Variants in CELF2 observed in about 807,000 individuals in gnomAD.
The protein encoded by CELF2 is CUG triplet repeat RNA-binding protein 2.
A neutral mutation model predicts 62.6 loss-of-function variants in CELF2; 8 were observed. The ratio of observed to expected loss-of-function variants is 0.13; its 90% CI spans 0.07 to 0.23. The LOEUF is 0.23. Among genes scored for constraint, CELF2 ranks in the 10% least tolerant of loss-of-function variants. The probability of loss-of-function intolerance (pLI) is 1.00; values close to 1 mark genes in which losing one functional copy is unlikely to be tolerated. For missense variants in CELF2, 333 were observed against 671.0 expected, an observed-to-expected ratio of 0.50 and a Z score of 5.56; for synonymous variants, 258 against 250.0, an observed-to-expected ratio of 1.03 and a Z score of -0.30.
chr10:10,707,814 T>G, the CELF2 span, among the ~76,000 whole-genome samples: 1 of 152,188 alleles, frequency 6.6e-6, no homozygotes, highest in Admixed American at 6.5e-5. Context: ...GTTTGGATTA[T>G]TCGTTTAAAT....
chr10:10,699,901 G>GA, the CELF2 span, among the ~76,000 whole-genome samples: 2 of 152,164 alleles, frequency 1.3e-5, no homozygotes, highest in Non-Finnish European at 1.5e-5. Flanking sequence ...AGTTCTCACA[G>GA]CCTTTTCCTT....
intron 1 of CELF2, among the ~76,000 whole-genome samples, chr10:10,859,756 C>G (rs2059949586): frequency 6.6e-6 from 1 of 152,000 alleles, no homozygotes; most frequent in African/African-American, 2.4e-5. Flanking sequence ...AGATTTGAAG[C>G]AAAATATAGA....
chr10:10,487,765 G>C, the CELF2 span, among the ~76,000 whole-genome samples: 1 of 152,054 alleles, frequency 6.6e-6, no homozygotes, highest in African/African-American at 2.4e-5. Flanking sequence ...CACGATTAAA[G>C]GTCTTAAAAT....
At chr10:10,556,048 A>G in the CELF2 span, among the ~76,000 whole-genome samples, 1 of 152,008 alleles carries the variant, frequency 6.6e-6, no homozygotes, top group Admixed American at 6.6e-5. Context: ...TTTTTTTATT[A>G]TACTTTAAGT....
At chr10:10,663,165 G>C in the CELF2 span, among the ~76,000 whole-genome samples, 1 of 152,178 alleles carries the variant, frequency 6.6e-6, no homozygotes, top group Non-Finnish European at 1.5e-5. Context: ...CATTTTAAGC[G>C]TGCAGCAGCT....
Position 11,118,398 on chromosome 10 carries a change from C to T in CELF2, c.75-47088C>T, listed in dbSNP as rs2057027841. 2.0e-5 allele frequency among the ~76,000 whole-genome samples: 3 copies of T among 152,132 alleles called. No individual in the cohort carries two copies. The South Asian group carries it at 6.2e-4, about 32-fold the overall frequency. On this transcript the variant is annotated intron_variant, in intron 1 of 12. Coordinates refer to ENST00000633077, the MANE Select transcript of CELF2 (RefSeq NM_001326342.2). ...CCCAGGCTGGTCTTGAACTCCTGGC[C>T]TCAAGTGATCCTCAGGCCTCAGCCT...
the CELF2 span, among the ~76,000 whole-genome samples, chr10:10,755,204 T>C: frequency 3.9e-5 from 6 of 152,342 alleles, no homozygotes; most frequent in East Asian, 1.2e-3. Flanking sequence ...AATTAACAGA[T>C]AATTGACATA....
At chr10:11,064,986 A>G (rs1431238194) in intron 1 of CELF2, among the ~76,000 whole-genome samples, 1 of 152,232 alleles carries the variant, frequency 6.6e-6, no homozygotes, top group Non-Finnish European at 1.5e-5. Context: ...CACCTAGACT[A>G]TCCCTGGTAA....
intron 9 of CELF2, among the ~76,000 whole-genome samples, chr10:11,299,759 C>T (rs113124263): frequency 0.031 from 4,210 of 137,410 alleles, 65 homozygotes; most frequent in Non-Finnish European, 0.039. Flanking sequence ...ATCCCAGAAC[C>T]GTATTTCTGG....
At chr10:11,028,468 G>T (rs1470947456) in intron 1 of CELF2, among the ~76,000 whole-genome samples, 1 of 146,384 alleles carries the variant, frequency 6.8e-6, no homozygotes, top group East Asian at 2.0e-4. Context: ...CACCCAGGCT[G>T]AAGTGCAGTG....
At chr10:10,686,310 T>TTGGGGGGGGGGGG in the CELF2 span, among the ~76,000 whole-genome samples, 3 of 69,756 alleles carry the variant, frequency 4.3e-5, no homozygotes, top group Non-Finnish European at 8.7e-5. Context: ...TTGGATTTTT[T>TTGGGGGGGGGGGG]GGGGGGGGGG....
chr10:10,851,839 C>A (rs557030777), intron 1 of CELF2, among the ~76,000 whole-genome samples: 1 of 152,136 alleles, frequency 6.6e-6, no homozygotes, highest in East Asian at 1.9e-4. Context: ...GACCAATAAG[C>A]ATATAAAGAG....
At chr10:11,142,516 C>A (rs1166645166) in intron 1 of CELF2, among the ~76,000 whole-genome samples, 1 of 151,810 alleles carries the variant, frequency 6.6e-6, no homozygotes, top group African/African-American at 2.4e-5. Context: ...AACCCCATCT[C>A]TACTAAAAAT....
the CELF2 span, among the ~76,000 whole-genome samples, chr10:10,771,562 T>C: frequency 6.6e-6 from 1 of 152,218 alleles, no homozygotes; most frequent in Non-Finnish European, 1.5e-5. Flanking sequence ...TGGTGAGAGA[T>C]AATTGAATCA....
intron 2 of CELF2, among the ~76,000 whole-genome samples, chr10:10,933,133 A>C (rs1423866004): frequency 1.3e-5 from 2 of 149,578 alleles, no homozygotes; most frequent in Non-Finnish European, 3.0e-5. Flanking sequence ...AGTCTCTTAA[A>C]AAAAAAAAAA....
intron 1 of CELF2, among the ~76,000 whole-genome samples, chr10:11,021,991 G>C (rs1209305257): frequency 1.3e-5 from 2 of 152,020 alleles, no homozygotes; most frequent in East Asian, 3.9e-4. Context: ...AAATCTTTTT[G>C]GTTTACAAGG....
At chr10:10,848,794 T>C (rs777309069) in intron 1 of CELF2, among the ~76,000 whole-genome samples, 1 of 152,282 alleles carries the variant, frequency 6.6e-6, no homozygotes, top group Non-Finnish European at 1.5e-5. Flanking sequence ...TTCAACCATC[T>C]AGAAAACGGA....
the CELF2 span, among the ~76,000 whole-genome samples, chr10:10,761,648 G>A: frequency 6.6e-6 from 1 of 152,180 alleles, no homozygotes; most frequent in Non-Finnish European, 1.5e-5. Flanking sequence ...CACATCGCAA[G>A]AGAGAACCTC....
At chr10:11,077,615 C>T (rs1210579989) in intron 1 of CELF2, among the ~76,000 whole-genome samples, 1 of 152,156 alleles carries the variant, frequency 6.6e-6, no homozygotes, top group Non-Finnish European at 1.5e-5. Context: ...TTACTTTTAT[C>T]AGCAAAATTT....
Sources: allele counts gnomAD v4.1 joint callset (sites outside exome capture counted in the v4.1 genomes callset), GRCh38; gene constraint gnomAD v4.1.1; transcripts MANE v1.5; gene names NCBI Gene and HGNC (gene_info 2026-07-23, HGNC 2026-07-21).